STPG2: variants seen among roughly 807,000 people sequenced by gnomAD.
STPG2 encodes the protein sperm tail PG-rich repeat containing 2, also known as sperm-tail PG-rich repeat-containing protein 2.
A neutral mutation model predicts 54.2 loss-of-function variants in STPG2; 56 were observed. That is an observed-to-expected ratio of 1.03 (90% confidence interval 0.83 to 1.29). The LOEUF is 1.29. Ranked by LOEUF, STPG2 falls within the 50% of genes most tolerant of loss-of-function variation. The pLI is 0.00. For missense variants in STPG2, 596 were observed against 544.9 expected, an observed-to-expected ratio of 1.09 and a Z score of -0.93; for synonymous variants, 200 against 181.8, an observed-to-expected ratio of 1.10 and a Z score of -0.81.
At chr4:97,444,795 C>T (rs189262485) in intron 4 of STPG2, among the ~76,000 whole-genome samples, 1,806 of 152,080 alleles carry the variant, frequency 0.012, 36 homozygotes, top group African/African-American at 0.041. Context: ...TTTGGGAGGC[C>T]GAGGTGGGAG....
chr4:97,853,660 G>T (rs998806665), intron 8 of STPG2, among the ~76,000 whole-genome samples: 1 of 152,060 alleles, frequency 6.6e-6, no homozygotes, highest in Non-Finnish European at 1.5e-5. Flanking sequence ...AACTTCATAC[G>T]AATCAAAAAG....
intron 4 of STPG2, among the ~76,000 whole-genome samples, chr4:97,493,741 T>G (rs1343809137): frequency 6.6e-6 from 1 of 151,558 alleles, no homozygotes; most frequent in Admixed American, 6.6e-5. Flanking sequence ...AAGGAGATAC[T>G]GTTCCATTTT....
chr4:97,545,081 T>C (rs1462377009), intron 4 of STPG2, among the ~76,000 whole-genome samples: 1 of 152,114 alleles, frequency 6.6e-6, no homozygotes, highest in East Asian at 1.9e-4. Flanking sequence ...TGAAAGTCTG[T>C]ATATCTAAAA....
At chr4:97,972,165 T>C (rs1211090509) in intron 7 of STPG2, 115 bp downstream of exon 7, 1 of 649,790 alleles carries the variant, frequency 1.5e-6, no homozygotes, top group Non-Finnish European at 2.4e-6. Flanking sequence ...ATATGGAACA[T>C]GGTTATAATA....
At chr4:97,557,380 T>C (rs1227559294), downstream of STPG2, among the ~76,000 whole-genome samples, 2 of 152,120 alleles carry the variant, frequency 1.3e-5, no homozygotes, top group African/African-American at 2.4e-5. Context: ...TGATAAACAA[T>C]AAAAGTTTTT....
intron 4 of STPG2, among the ~76,000 whole-genome samples, chr4:97,502,356 T>A (rs1023239501): frequency 1.3e-5 from 2 of 152,002 alleles, no homozygotes; most frequent in African/African-American, 4.8e-5. Flanking sequence ...CAAGATGGCC[T>A]TAAATTTCAT....
chr4:98,083,386 T>C (rs1159671715), intron 5 of STPG2, among the ~76,000 whole-genome samples: 2 of 152,176 alleles, frequency 1.3e-5, no homozygotes, highest in African/African-American at 4.8e-5. Context: ...TTAGTGTAAA[T>C]AAGCCAAGCA....
At chr4:97,944,278 C>T (rs60420449) in intron 7 of STPG2, among the ~76,000 whole-genome samples, 2,452 of 151,986 alleles carry the variant, frequency 0.016, 69 homozygotes, top group African/African-American at 0.056. Context: ...TAGCTATGTT[C>T]TATTTCATAA....
At chr4:97,839,324 A>T (rs1261286518) in intron 9 of STPG2, among the ~76,000 whole-genome samples, 1 of 151,614 alleles carries the variant, frequency 6.6e-6, no homozygotes, top group Non-Finnish European at 1.5e-5. Context: ...GCCCTATGCT[A>T]AATACTGAAG....
At chr4:97,907,836 T>G (rs1406668116) in intron 8 of STPG2, among the ~76,000 whole-genome samples, 1 of 152,066 alleles carries the variant, frequency 6.6e-6, no homozygotes, top group African/African-American at 2.4e-5. Flanking sequence ...TGAAACTGGA[T>G]CCCTTCCTTA....
intron 5 of STPG2, among the ~76,000 whole-genome samples, chr4:98,093,730 CA>C (rs1469223142): frequency 6.6e-6 from 1 of 152,190 alleles, no homozygotes; most frequent in Non-Finnish European, 1.5e-5. Context: ...GAGACAGAAT[CA>C]GTACATTTTG....
intron 5 of STPG2, among the ~76,000 whole-genome samples, chr4:98,054,962 G>T (rs1236816678): frequency 6.6e-6 from 1 of 152,094 alleles, no homozygotes; most frequent in Admixed American, 6.5e-5. Flanking sequence ...CCAGAAAAAT[G>T]TATAGCTGTT....
intron 10 of STPG2, among the ~76,000 whole-genome samples, chr4:97,620,584 A>G (rs1560689047): frequency 6.6e-6 from 1 of 152,222 alleles, no homozygotes; most frequent in Non-Finnish European, 1.5e-5. Context: ...CAATTCAATA[A>G]GAGGACCTAA....
intron 9 of STPG2, among the ~76,000 whole-genome samples, chr4:97,742,565 G>GTA (rs139609147): frequency 2.5e-5 from 3 of 118,214 alleles, no homozygotes; most frequent in African/African-American, 9.9e-5. Context: ...GTGTGTGTGT[G>GTA]TCTATATATA....
At chr4:97,967,016 C>A (rs895338124) in intron 7 of STPG2, among the ~76,000 whole-genome samples, 1 of 151,994 alleles carries the variant, frequency 6.6e-6, no homozygotes, top group African/African-American at 2.4e-5. Context: ...ACCATAGTAA[C>A]CTTAAATGTA....
At chr4:97,871,436 T>C (rs1215838073) in intron 8 of STPG2, among the ~76,000 whole-genome samples, 1 of 151,010 alleles carries the variant, frequency 6.6e-6, no homozygotes, top group African/African-American at 2.4e-5. Context: ...ATCATAATTT[T>C]TTAAAAGTAA....
intron 10 of STPG2, among the ~76,000 whole-genome samples, chr4:97,587,665 G>T (rs980541248): frequency 1.3e-5 from 2 of 151,868 alleles, no homozygotes; most frequent in African/African-American, 4.8e-5. Flanking sequence ...TTACAGAATA[G>T]TCTTTGTAGT....
intron 10 of STPG2, among the ~76,000 whole-genome samples, chr4:97,635,512 G>A (rs146323254): frequency 6.6e-6 from 1 of 152,108 alleles, no homozygotes; most frequent in African/African-American, 2.4e-5. Context: ...AATGTAAATG[G>A]ACTAAATGCT....
At chr4:97,905,393 G>C (rs1215774598) in intron 8 of STPG2, among the ~76,000 whole-genome samples, 1 of 151,904 alleles carries the variant, frequency 6.6e-6, no homozygotes, top group Non-Finnish European at 1.5e-5. Flanking sequence ...ATACTTTACA[G>C]ACAAGCAAAT....
Sources: allele counts gnomAD v4.1 joint callset (sites outside exome capture counted in the v4.1 genomes callset), GRCh38; gene constraint gnomAD v4.1.1; transcripts MANE v1.5; gene names NCBI Gene and HGNC (gene_info 2026-07-23, HGNC 2026-07-21).